Variants in GBF1 observed in about 807,000 individuals in gnomAD.
The protein encoded by GBF1 is golgi brefeldin A resistant guanine nucleotide exchange factor 1.
A neutral mutation model predicts 210.5 loss-of-function variants in GBF1; 114 were observed. The ratio of observed to expected loss-of-function variants is 0.54; its 90% CI spans 0.47 to 0.63. The LOEUF (loss-of-function observed/expected upper bound fraction) is 0.63. GBF1 is among the 30% of genes least tolerant of loss of function. GBF1 has a pLI of 0.00. For missense variants in GBF1, 1,851 were observed against 2,357.7 expected, an observed-to-expected ratio of 0.79 and a Z score of 4.45; for synonymous variants, 850 against 889.2, an observed-to-expected ratio of 0.96 and a Z score of 0.78.
intron 3 of GBF1, among the ~76,000 whole-genome samples, chr10:102,306,100 A>G (rs1056932447): frequency 1.3e-5 from 2 of 152,232 alleles, no homozygotes; most frequent in Non-Finnish European, 2.9e-5. Flanking sequence ...GACTTGAGAT[A>G]TAGACTGGGC....
At position 102,364,217 on chromosome 10, in the gene GBF1, CTTTTTTT is replaced by C. The variant is rs1031275118; in HGVS notation, c.2106+438_2106+444del. Among the ~76,000 whole-genome samples the C allele has an allele frequency of 8.4e-3, 560 of 66,926 alleles. 3 individuals carry two copies. The highest frequency in any genetic ancestry group is 0.054 in the East Asian group (106 of 1,964). The allele number at this position is 66,926 out of a possible 152,430, so 43.9% of individuals were successfully genotyped here. On this transcript the variant is annotated intron_variant, in intron 17 of 39. Transcript: ENST00000369983. ...AAATAACTGTTTGTACTTTGGATTT[CTTTTTTT>C]TTTTTTTTTTTTTTTTTTCAGACGG...
intron 20 of GBF1, 124 bp from the exon 21 acceptor site, chr10:102,367,354 G>A: frequency 1.7e-6 from 2 of 1,149,518 alleles, no homozygotes; most frequent in Non-Finnish European, 1.3e-6. Flanking sequence ...AAAAGGGACT[G>A]GGGTGGGGAA....
chr10:102,260,964 T>C (rs144692863), intron 3 of GBF1, among the ~76,000 whole-genome samples: 2 of 152,278 alleles, frequency 1.3e-5, no homozygotes, highest in African/African-American at 4.8e-5. Context: ...TATATTCATA[T>C]GTTTAGAATT....
intron 3 of GBF1, among the ~76,000 whole-genome samples, chr10:102,293,764 G>GTTTTTATTTTTTTTTTTTTTTT (rs1263151407): frequency 2.0e-5 from 1 of 50,888 alleles, no homozygotes; most frequent in Non-Finnish European, 4.2e-5. Flanking sequence ...GCTGTAGTAT[G>GTTTTTATTTTTTTTTTTTTTTT]TTTTGTGTTT....
rs569621796 is a variant in GBF1, at chr10:102,266,095, C to T, written c.163+5979C>T. Among the ~76,000 whole-genome samples the T allele has an allele frequency of 9.2e-5, 14 of 152,140 alleles. No homozygotes were observed. In the East Asian group the frequency reaches 1.9e-3, roughly 21 times the overall value. ...TACTAAAAAAATACAAAAAATTAGT[C>T]GGGCATGGTGGCAGGCGCCTGTAGT... On this transcript the variant is annotated intron_variant, in intron 3 of 39. Coordinates refer to ENST00000369983, the MANE Select transcript of GBF1 (RefSeq NM_001377137.1).
intron 1 of GBF1, among the ~76,000 whole-genome samples, chr10:102,254,359 C>G (rs1482552031): frequency 6.6e-6 from 1 of 152,004 alleles, no homozygotes; most frequent in Non-Finnish European, 1.5e-5. Flanking sequence ...CATGGCAAGA[C>G]CCTATCTCTA....
the GBF1 span, among the ~76,000 whole-genome samples, chr10:102,233,327 G>A: frequency 9.4e-5 from 9 of 95,452 alleles, no homozygotes; most frequent in Admixed American, 1.0e-3. Flanking sequence ...TTTTTGAGAT[G>A]GAGTCTCGCT....
chr10:102,380,789 C>A, intron 38 of GBF1, 103 bp downstream of exon 38: 2 of 979,794 alleles, frequency 2.0e-6, no homozygotes, highest in Non-Finnish European at 3.1e-6. Context: ...GGGTGGATCA[C>A]CCGAGGGCAG....
chr10:102,244,408 A>G (rs542418123), upstream of GBF1, among the ~76,000 whole-genome samples: 52 of 152,340 alleles, frequency 3.4e-4, no homozygotes, highest in African/African-American at 1.3e-3. Context: ...GTCTCCTAGG[A>G]GAAAACCCAT....
At chr10:102,293,626 T>C (rs1006417397) in intron 3 of GBF1, among the ~76,000 whole-genome samples, 2 of 152,084 alleles carry the variant, frequency 1.3e-5, no homozygotes, top group African/African-American at 2.4e-5. Context: ...CCTGACACTC[T>C]GTAGGCCTAG....
intron 3 of GBF1, among the ~76,000 whole-genome samples, chr10:102,289,532 C>A (rs2076263308): frequency 6.6e-6 from 1 of 152,104 alleles, no homozygotes; most frequent in Admixed American, 6.5e-5. Context: ...TGAGACTAGC[C>A]TGAGCAACAT....
At chr10:102,306,940 A>T (rs747648396) in intron 3 of GBF1, among the ~76,000 whole-genome samples, 2 of 152,004 alleles carry the variant, frequency 1.3e-5, no homozygotes, top group South Asian at 4.1e-4. Context: ...TGGCCACATC[A>T]TATTTCAGGG....
chr10:102,328,998 CT>C (rs1179895739), intron 3 of GBF1, among the ~76,000 whole-genome samples: 1 of 152,120 alleles, frequency 6.6e-6, no homozygotes. Flanking sequence ...TTTTTAATTT[CT>C]CCTGGGCTTT....
the GBF1 span, among the ~76,000 whole-genome samples, chr10:102,237,886 C>T: frequency 7.2e-5 from 11 of 152,042 alleles, no homozygotes; most frequent in Admixed American, 1.3e-4. Flanking sequence ...CCTCCTCCCC[C>T]GCCCACCCCA....
At chr10:102,340,373 C>T (rs1369929670) in intron 3 of GBF1, among the ~76,000 whole-genome samples, 21 of 150,174 alleles carry the variant, frequency 1.4e-4, no homozygotes, top group Non-Finnish European at 3.0e-5. Context: ...CCCAGGTTCA[C>T]GCCATTCTCC....
intron 3 of GBF1, among the ~76,000 whole-genome samples, chr10:102,265,243 G>C (rs1186194443): frequency 6.6e-6 from 1 of 152,190 alleles, no homozygotes; most frequent in Non-Finnish European, 1.5e-5. Flanking sequence ...GCTATAGTCA[G>C]TTGTGAGTTG....
chr10:102,361,142 G>T, intron 13 of GBF1, 22 bp downstream of exon 13: 1 of 1,205,406 alleles, frequency 8.3e-7, no homozygotes, highest in Non-Finnish European at 1.2e-6. Context: ...GATGTGGAAA[G>T]AAAAGGGGGA....
intron 3 of GBF1, among the ~76,000 whole-genome samples, chr10:102,297,360 C>G (rs935857952): frequency 2.0e-5 from 3 of 152,166 alleles, no homozygotes; most frequent in African/African-American, 7.2e-5. Flanking sequence ...AGACTTTGCT[C>G]CCAGGTCTAA....
intron 3 of GBF1, among the ~76,000 whole-genome samples, chr10:102,330,227 T>C (rs2057234310): frequency 2.6e-5 from 4 of 152,164 alleles, no homozygotes; most frequent in Non-Finnish European, 5.9e-5. Context: ...ACAATAGACC[T>C]GGATTCAAAT....
Sources: gnomAD v4.1 joint callset for allele counts (sites outside exome capture counted in the v4.1 genomes callset) on GRCh38, gnomAD v4.1.1 for gene constraint, MANE v1.5 for transcripts, NCBI Gene and HGNC (gene_info 2026-07-23, HGNC 2026-07-21) for gene names.